Variants in ASPG observed in about 807,000 individuals in gnomAD.
ASPG encodes the protein 60 kDa lysophospholipase.
ASPG carries 53 observed loss-of-function variants against 63.2 expected under a neutral mutation model. The observed-to-expected ratio is 0.84, with a 90% CI of 0.67 to 1.05. The LOEUF (loss-of-function observed/expected upper bound fraction) is 1.05. ASPG is among the 50% of genes least tolerant of loss of function. ASPG has a pLI of 0.00. For synonymous variants in ASPG, 370 were observed against 355.0 expected, an observed-to-expected ratio of 1.04 and a Z score of -0.48; for missense variants, 741 against 794.4, an observed-to-expected ratio of 0.93 and a Z score of 0.81.
chr14:104,101,314 T>C (rs2036865189), intron 6 of ASPG, among the ~76,000 whole-genome samples: 1 of 151,966 alleles, frequency 6.6e-6, no homozygotes, highest in South Asian at 2.1e-4. Flanking sequence ...CAGCTGGGGG[T>C]AGCAATGCCG....
chr14:104,092,747 T>A lies in ASPG; in HGVS notation c.191+6T>A. ...GAGGACACCCTGGTGCTACCGTGAG[T>A]GTGGGCTCCTCCCAGTCCCGGACAG... On this transcript the variant is annotated splice_donor_region_variant and intron_variant, in intron 2 of 15. Coordinates refer to ENST00000551177, the MANE Select transcript of ASPG (RefSeq NM_001080464.3). 6.5e-7 allele frequency: 1 copy of A among 1,534,200 alleles called. No homozygotes were observed. The highest frequency in any genetic ancestry group is 2.4e-5 in the East Asian group (1 of 40,906).
At chr14:104,085,958 T>A in intron 1 of ASPG, 106 bp downstream of exon 1, 1 of 1,057,622 alleles carries the variant, frequency 9.5e-7, no homozygotes. Context: ...AATCCGCGCC[T>A]GGATGGGGGG....
rs2037011688 is a variant in ASPG, at chr14:104,104,207, G to C, written c.754-97G>C. The C allele has an allele frequency of 3.6e-6, 5 of 1,374,372 alleles. No individual in the cohort carries two copies. In the South Asian group the frequency reaches 4.4e-5, roughly 12 times the overall value. The allele number at this position is 1,374,372 out of a possible 1,614,324, so 85.1% of individuals were successfully genotyped here. A position where few individuals can be genotyped will look rare whatever the true frequency, so the allele number is the denominator to read the frequency against. On this transcript the variant is annotated intron_variant, in intron 7 of 15. Coordinates refer to ENST00000551177, the MANE Select transcript of ASPG (RefSeq NM_001080464.3). ...GCAGAGCAGGCACCAGCTGCCCCTG[G>C]CTTGGGGTCCCTCTCCTTGGGAGGG...
chr14:104,095,416 C>A (rs1047981395), intron 3 of ASPG, 115 bp from the exon 4 acceptor site: 3 of 1,447,872 alleles, frequency 2.1e-6, no homozygotes, highest in Admixed American at 1.9e-5. Context: ...CAGGGTCCCA[C>A]GGGTGCCTCC....
intron 2 of ASPG, 104 bp downstream of exon 2, chr14:104,092,845 C>G: frequency 1.1e-6 from 1 of 949,424 alleles, no homozygotes; most frequent in Non-Finnish European, 1.6e-6. Flanking sequence ...CATTTGCTCA[C>G]CCCTGTCTCT....
intron 3 of ASPG, 69 bp downstream of exon 3, chr14:104,093,671 T>TGGGGAATGCTGGGGGGGGCG (rs2036459385): frequency 9.8e-7 from 1 of 1,015,808 alleles, no homozygotes; most frequent in Non-Finnish European, 1.4e-6. Flanking sequence ...TGGGTGGGGC[T>TGGGGAATGCTGGGGGGGGCG]GTGGTGTGTG....
rs1383044963 is a variant in ASPG, at chr14:104,091,734, AGC to A, written c.83-898_83-897del. ...TGAGCCAGTGATAGGCGATGGGTAC[AGC>A]TGCAGAGGGCGAGGGGGGAAAGCAG... is the stretch of plus-strand genomic sequence containing the variant. On this transcript the variant is annotated intron_variant, in intron 1 of 15. Transcript: ENST00000551177. This position sits in a 1 kb window ranked among gnomAD's most constrained non-coding sequence, Gnocchi z 6.4. 2.0e-5 allele frequency among the ~76,000 whole-genome samples: 3 copies of A among 148,704 alleles called. No homozygotes were observed. The highest frequency in any genetic ancestry group is 7.5e-5 in the African/African-American group (3 of 39,976).
In ASPG at chr14:104,113,050, C is replaced by T; in HGVS notation, c.*506C>T. 1 of 220,994 alleles carries T rather than the reference C, an allele frequency of 4.5e-6. No individual in the cohort carries two copies. Among genetic ancestry groups the T allele is most frequent in the South Asian group, 7.1e-5 (1 of 14,020 alleles). 13.7% of individuals were successfully genotyped at this position (220,994 alleles called of 1,614,324 possible). A position where few individuals can be genotyped will look rare whatever the true frequency, so the allele number is the denominator to read the frequency against. ...GCCCTCCAACCCCTGGATGAGCATG[C>T]TGCCCCTGCTTAACTCTTTAGTCCT... is the stretch of plus-strand genomic sequence containing the variant. On this transcript the variant is annotated 3_prime_UTR_variant, in exon 16 of 16. Coordinates refer to ENST00000551177, the MANE Select transcript of ASPG (RefSeq NM_001080464.3).
Position 104,092,847 on chromosome 14 carries a change from C to G in ASPG, c.191+106C>G, listed in dbSNP as rs1037259671. On this transcript the variant is annotated intron_variant, in intron 2 of 15. Coordinates refer to ENST00000551177, the MANE Select transcript of ASPG (RefSeq NM_001080464.3). ...GGCCCACGTGAGCCATTTGCTCACC[C>G]CTGTCTCTAACATCCCCTCAGCTTA... 115 of 927,066 alleles carry G rather than the reference C, an allele frequency of 1.2e-4. No individual in the cohort carries two copies. In the African/African-American group the frequency reaches 1.4e-3, roughly 11 times the overall value. 57.4% of individuals were successfully genotyped at this position (927,066 alleles called of 1,614,324 possible). A position where few individuals can be genotyped will look rare whatever the true frequency, so the allele number is the denominator to read the frequency against.
At position 104,107,186 on chromosome 14, in the gene ASPG, G is replaced by A; in HGVS notation, c.1274G>A (p.Ser425Asn). The A allele has an allele frequency of 6.4e-7, 1 of 1,565,210 alleles. No homozygotes were observed. Among genetic ancestry groups the A allele is most frequent in the Non-Finnish European group, 8.7e-7 (1 of 1,153,500 alleles). The change falls in exon 12 of 16, where the codon AGT (serine) becomes AAT (asparagine). Residue 425 changes from serine to asparagine, a missense_variant. Ser to Asn is a conservative substitution (Grantham distance 46). Coordinates refer to ENST00000551177, the MANE Select transcript of ASPG (RefSeq NM_001080464.3). The stretch of plus-strand genomic sequence containing the variant: ...CATGTCCTTGTGTTACTCCAGGGCA[G>A]TGACCTGGGCCTGGTGGACTTTAAC... ...EALQALVELGSDLGLVDFNGQ... is the reference protein window; with the variant it reads ...EALQALVELGNDLGLVDFNGQ...
At chr14:104,101,948 G>A (rs969054698) in intron 6 of ASPG, among the ~76,000 whole-genome samples, 1 of 152,176 alleles carries the variant, frequency 6.6e-6, no homozygotes, top group Non-Finnish European at 1.5e-5. Context: ...CTCTGCCCCC[G>A]GGTGTGGGGT....
At position 104,109,107 on chromosome 14, in the gene ASPG, G is replaced by A; in HGVS notation, c.1434-122G>A. 1.3e-6 allele frequency: 2 copies of A among 1,510,720 alleles called. No individual in the cohort carries two copies. Among genetic ancestry groups the A allele is most frequent in the Non-Finnish European group, 1.8e-6 (2 of 1,130,312 alleles). The allele number at this position is 1,510,720 out of a possible 1,614,324, so 93.6% of individuals were successfully genotyped here. A position where few individuals can be genotyped will look rare whatever the true frequency, so the allele number is the denominator to read the frequency against. On this transcript the variant is annotated intron_variant, in intron 12 of 15. Transcript: ENST00000551177. The surrounding 1 kb of genome is among the most constrained non-coding windows in gnomAD (Gnocchi z 4.8). ...GCCCTTGTCTGAGGCTAGGGCTGTG[G>A]GGTCTTGGGCCGGCCGGTCCCCGTC...
At chr14:104,101,158 G>T (rs575442953) in intron 6 of ASPG, among the ~76,000 whole-genome samples, 2 of 152,198 alleles carry the variant, frequency 1.3e-5, no homozygotes, top group African/African-American at 4.8e-5. Context: ...TCCCACGTGC[G>T]TGTGGGTGTG....
At chr14:104,093,187 C>T in intron 2 of ASPG, 1 of 528,290 alleles carries the variant, frequency 1.9e-6, no homozygotes, top group Non-Finnish European at 3.4e-6. Flanking sequence ...ACAGGCGAGC[C>T]TCCTGCAAGC....
rs1274679377 is a variant in ASPG, at chr14:104,113,035, C to G, written c.*491C>G. ...CCCCTCCCCCAGGCAGCCCTCCAACCCCTGGATGAGCATGCTGCCCCTGCT... is the reference window on the plus strand; with the variant it reads ...CCCCTCCCCCAGGCAGCCCTCCAACGCCTGGATGAGCATGCTGCCCCTGCT... On this transcript the variant is annotated 3_prime_UTR_variant, in exon 16 of 16. Coordinates refer to ENST00000551177, the MANE Select transcript of ASPG (RefSeq NM_001080464.3). 4.6e-6 allele frequency: 1 copy of G among 219,594 alleles called. No individual in the cohort carries two copies. Among genetic ancestry groups the G allele is most frequent in the Non-Finnish European group, 9.2e-6 (1 of 109,124 alleles). The allele number at this position is 219,594 out of a possible 1,614,324, so 13.6% of individuals were successfully genotyped here. A position where few individuals can be genotyped will look rare whatever the true frequency, so the allele number is the denominator to read the frequency against.
chr14:104,103,580 C>T lies in ASPG; in HGVS notation c.658C>T (p.Arg220Trp), dbSNP rs759937851. 64 of 1,547,956 alleles carry T rather than the reference C, an allele frequency of 4.1e-5. No homozygotes were observed. The highest frequency in any genetic ancestry group is 1.5e-4 in the East Asian group (6 of 40,924). ...GTCCTCAGTCAACAGGGAGCTGGTG[C>T]GGAAGGTGGACGGGAAGGCTGGGCT... ...ADITINRELVRKVDGKAGLVV... is the reference protein window; with the variant it reads ...ADITINRELVWKVDGKAGLVV... The change falls in exon 7 of 16, where the codon CGG becomes TGG. Residue 220 changes from arginine to tryptophan, a missense_variant. Transcript: ENST00000551177.
At chr14:104,101,974 C>T (rs548466603) in intron 6 of ASPG, among the ~76,000 whole-genome samples, 1 of 152,318 alleles carries the variant, frequency 6.6e-6, no homozygotes, top group East Asian at 1.9e-4. Context: ...TTCCCCTGGC[C>T]TCTAGCAGGC....
At chr14:104,087,127 G>A (rs530436670) in intron 1 of ASPG, among the ~76,000 whole-genome samples, 10 of 152,284 alleles carry the variant, frequency 6.6e-5, no homozygotes, top group Middle Eastern at 3.4e-3. Flanking sequence ...CCCACTCTGC[G>A]CCCAGCCCAG....
chr14:104,096,337 C>T (rs146055040), intron 4 of ASPG, among the ~76,000 whole-genome samples: 269 of 152,276 alleles, frequency 1.8e-3, no homozygotes, highest in Non-Finnish European at 3.0e-3. Flanking sequence ...GAAACCGGTA[C>T]CTGTGTCCCT....
Sources: allele counts gnomAD v4.1 joint callset (sites outside exome capture counted in the v4.1 genomes callset), GRCh38; gene constraint gnomAD v4.1.1; non-coding constraint Gnocchi (gnomAD v3.1); transcripts MANE v1.5; gene names NCBI Gene and HGNC (gene_info 2026-07-23, HGNC 2026-07-21).